Variants in RTTN observed in about 807,000 individuals in gnomAD.
RTTN encodes the protein rotatin.
RTTN carries 182 observed loss-of-function variants against 269.2 expected under a neutral mutation model. The ratio of observed to expected loss-of-function variants is 0.68; its 90% confidence interval spans 0.60 to 0.76. The LOEUF is 0.76. Ranked by LOEUF, RTTN falls within the 30% of genes least tolerant of loss-of-function variation. The pLI is 0.00. For missense variants in RTTN, 2,545 were observed against 2,608.6 expected, an observed-to-expected ratio of 0.98 and a Z score of 0.53; for synonymous variants, 1,006 against 963.5, an observed-to-expected ratio of 1.04 and a Z score of -0.82.
At chr18:70,049,368 A>G (rs937991082) in intron 39 of RTTN, among the ~76,000 whole-genome samples, 2 of 152,174 alleles carry the variant, frequency 1.3e-5, no homozygotes, top group African/African-American at 4.8e-5. Context: ...GAAAATCCCA[A>G]TGTCTTAATC....
chr18:70,129,437 C>G (rs556885174), intron 23 of RTTN: 1 of 151,664 alleles, frequency 6.6e-6, no homozygotes, highest in Non-Finnish European at 1.5e-5. Context: ...AACAGACACA[C>G]AGACCAATAA....
chr18:70,016,224 A>G (rs1448261017), intron 46 of RTTN, among the ~76,000 whole-genome samples: 3 of 151,140 alleles, frequency 2.0e-5, no homozygotes, highest in African/African-American at 7.3e-5. Context: ...AAAATATAAG[A>G]AGAATCATTT....
At chr18:70,117,922 A>G (rs952743948) in intron 26 of RTTN, among the ~76,000 whole-genome samples, 5 of 152,024 alleles carry the variant, frequency 3.3e-5, no homozygotes, top group Non-Finnish European at 7.4e-5. Flanking sequence ...AAATTTTAAA[A>G]TATCATGAGA....
chr18:70,012,215 T>C (rs1403613070), intron 46 of RTTN, among the ~76,000 whole-genome samples: 1 of 149,434 alleles, frequency 6.7e-6, no homozygotes, highest in Non-Finnish European at 1.5e-5. Context: ...GAGGGCAGCA[T>C]CTGCTCACTG....
At position 70,054,122 on chromosome 18, in the gene RTTN, T is replaced by C; in HGVS notation, c.5185+9A>G. The stretch of plus-strand genomic sequence containing the variant: ...CACTTACATTCTAAACTAAAACAAT[T>C]AAGCTTACCTAATACATCTTTGGTA... On this transcript the variant is annotated intron_variant, in intron 38 of 48. Transcript: ENST00000640769. 6.2e-7 allele frequency: 1 copy of C among 1,606,730 alleles called. No individual in the cohort carries two copies. Among genetic ancestry groups the C allele is most frequent in the Non-Finnish European group, 8.5e-7 (1 of 1,174,202 alleles).
At chr18:70,184,551 T>A (rs897040883) in intron 10 of RTTN, among the ~76,000 whole-genome samples, 1 of 151,272 alleles carries the variant, frequency 6.6e-6, no homozygotes, top group Admixed American at 6.6e-5. Flanking sequence ...GATTCCATGT[T>A]AAAAAAAATA....
At chr18:70,196,693 C>G (rs778818967) in intron 6 of RTTN, 45 bp from the exon 7 acceptor site, 1 of 1,577,506 alleles carries the variant, frequency 6.3e-7, no homozygotes, top group African/African-American at 1.4e-5. Flanking sequence ...GAACAAAGAG[C>G]TCAACTTCAA....
intron 27 of RTTN, among the ~76,000 whole-genome samples, chr18:70,112,932 G>C (rs1294400170): frequency 6.6e-6 from 1 of 152,136 alleles, no homozygotes; most frequent in Admixed American, 6.5e-5. Flanking sequence ...ACACTCCTCA[G>C]CAAATGCAAA....
At chr18:70,198,487 C>T (rs1215604309) in intron 5 of RTTN, among the ~76,000 whole-genome samples, 1 of 152,174 alleles carries the variant, frequency 6.6e-6, no homozygotes, top group African/African-American at 2.4e-5. Context: ...TTAATGGCAT[C>T]CACCTGTAAT....
intron 28 of RTTN, among the ~76,000 whole-genome samples, chr18:70,105,669 T>C (rs1037155828): frequency 6.6e-6 from 1 of 152,198 alleles, no homozygotes. Flanking sequence ...GTGAAATTCA[T>C]ATTAAATTTT....
chr18:70,072,465 A>G (rs1379620166), intron 34 of RTTN, among the ~76,000 whole-genome samples: 1 of 152,098 alleles, frequency 6.6e-6, no homozygotes, highest in East Asian at 1.9e-4. Context: ...ATATTTCCAA[A>G]TTTTCTCAGA....
At chr18:70,144,256 G>A (rs1308848239) in intron 18 of RTTN, among the ~76,000 whole-genome samples, 1 of 152,170 alleles carries the variant, frequency 6.6e-6, no homozygotes, top group Non-Finnish European at 1.5e-5. Flanking sequence ...CATCTTTACA[G>A]GTAGTACCAG....
intron 39 of RTTN, among the ~76,000 whole-genome samples, chr18:70,049,457 G>C (rs562384205): frequency 1.3e-5 from 2 of 152,228 alleles, no homozygotes; most frequent in African/African-American, 2.4e-5. Context: ...GGTAGACTCA[G>C]AACTCCTACA....
intron 10 of RTTN, among the ~76,000 whole-genome samples, chr18:70,181,871 A>G (rs2061429174): frequency 6.6e-6 from 1 of 152,206 alleles, no homozygotes; most frequent in East Asian, 1.9e-4. Context: ...AGCATTTGTA[A>G]CATACCAACT....
intron 40 of RTTN, among the ~76,000 whole-genome samples, chr18:70,033,208 T>C (rs1229899246): frequency 6.6e-6 from 1 of 152,232 alleles, no homozygotes; most frequent in Admixed American, 6.5e-5. Flanking sequence ...TCTGCCATAA[T>C]TGAAAGTTTC....
intron 23 of RTTN, among the ~76,000 whole-genome samples, chr18:70,132,590 T>C (rs1358212821): frequency 6.6e-6 from 1 of 151,924 alleles, no homozygotes; most frequent in Non-Finnish European, 1.5e-5. Context: ...TTAGAAAATA[T>C]TTTGAACTAA....
chr18:70,060,515 A>T (rs2057952023), intron 35 of RTTN, among the ~76,000 whole-genome samples: 3 of 152,198 alleles, frequency 2.0e-5, no homozygotes. Context: ...TGGGGTACAC[A>T]TGATATTTTG....
In RTTN at chr18:70,195,781, C is replaced by T. The variant is rs1344276417; in HGVS notation, c.841+720G>A. Among the ~76,000 whole-genome samples, 6 of 152,156 alleles carry T rather than the reference C, an allele frequency of 3.9e-5. No homozygotes were observed. The East Asian group carries it at 1.2e-3, about 29-fold the overall frequency. On this transcript the variant is annotated intron_variant, in intron 7 of 48. Transcript: ENST00000640769. ...CTTTTTCTGTTGAAGTATGGGGTACCCAGACGTTCTCTATTACCAGTCATT... is the reference window on the plus strand; with the variant it reads ...CTTTTTCTGTTGAAGTATGGGGTACTCAGACGTTCTCTATTACCAGTCATT...
chr18:70,150,476 C>A, intron 15 of RTTN, 132 bp downstream of exon 15: 1 of 790,034 alleles, frequency 1.3e-6, no homozygotes, highest in South Asian at 1.6e-5. Context: ...AACACTTCAA[C>A]TGAACCAATG....
Sources: allele counts gnomAD v4.1 joint callset (sites outside exome capture counted in the v4.1 genomes callset), GRCh38; gene constraint gnomAD v4.1.1; transcripts MANE v1.5; gene names NCBI Gene and HGNC (gene_info 2026-07-23, HGNC 2026-07-21).